MGAT4C: variants seen among roughly 807,000 people sequenced by gnomAD.
MGAT4C encodes the protein MGAT4 family member C, also known as alpha-1,3-mannosyl-glycoprotein 4-beta-N-acetylglucosaminyltransferase C.
MGAT4C carries 19 observed loss-of-function variants against 40.1 expected under a neutral mutation model. The observed-to-expected ratio is 0.47, with a 90% CI of 0.33 to 0.70. The LOEUF (loss-of-function observed/expected upper bound fraction) is 0.70, where lower values mean the gene tolerates loss of function less well. Ranked by LOEUF, MGAT4C falls within the 30% of genes least tolerant of loss-of-function variation. The probability of loss-of-function intolerance (pLI) is 0.02; values close to 1 mark genes in which losing one functional copy is unlikely to be tolerated. For synonymous variants in MGAT4C, 181 were observed against 187.1 expected (o/e 0.97, Z 0.27); for missense variants, 491 against 563.2 (o/e 0.87, Z 1.30).
At chr12:86,494,794 G>A (rs1444041408) in intron 2 of MGAT4C, among the ~76,000 whole-genome samples, 1 of 151,746 alleles carries the variant, frequency 6.6e-6, no homozygotes, top group East Asian at 1.9e-4. Context: ...ATAAAAATAG[G>A]CAACTAGTTC....
chr12:86,474,694 A>G (rs1380604412), intron 2 of MGAT4C, among the ~76,000 whole-genome samples: 1 of 151,344 alleles, frequency 6.6e-6, no homozygotes, highest in African/African-American at 2.4e-5. Flanking sequence ...TTTTTTTTTT[A>G]TAAGAAAGCC....
chr12:86,586,015 A>C (rs1961019746), intron 2 of MGAT4C, among the ~76,000 whole-genome samples: 1 of 150,552 alleles, frequency 6.6e-6, no homozygotes, highest in African/African-American at 2.4e-5. Flanking sequence ...TTAGTTACAT[A>C]GGTATACATG....
chr12:86,768,560 G>A lies in MGAT4C; in HGVS notation c.-261-41319C>T, dbSNP rs1053171179. On this transcript the variant is annotated intron_variant, in intron 1 of 7. Coordinates refer to the MGAT4C transcript ENST00000548651. ...ACCAAAAAAGAGCCTGCATCGCCAA[G>A]TCAATCCTAAGCCAAAAGAACAAAG... 3.3e-5 allele frequency among the ~76,000 whole-genome samples: 5 copies of A among 151,596 alleles called. No individual in the cohort carries two copies. The South Asian group carries it at 8.3e-4, about 25-fold the overall frequency.
chr12:86,815,600 A>G (rs1952585955), intron 1 of MGAT4C, among the ~76,000 whole-genome samples: 1 of 151,552 alleles, frequency 6.6e-6, no homozygotes, highest in South Asian at 2.1e-4. Flanking sequence ...AACCAACTCA[A>G]TCAACAAGTG....
chr12:86,666,789 C>T (rs1964118290), intron 2 of MGAT4C, among the ~76,000 whole-genome samples: 1 of 152,136 alleles, frequency 6.6e-6, no homozygotes, highest in African/African-American at 2.4e-5. Flanking sequence ...AATCAGATGT[C>T]CTTAAACAGT....
At chr12:86,264,377 C>G (rs1443774957) in intron 4 of MGAT4C, among the ~76,000 whole-genome samples, 1 of 151,916 alleles carries the variant, frequency 6.6e-6, no homozygotes, top group Non-Finnish European at 1.5e-5. Flanking sequence ...GGATAGGAGC[C>G]GTGTTTGTTT....
chr12:86,240,175 CAT>C (rs1409258999), intron 1 of MGAT4C, among the ~76,000 whole-genome samples: 17 of 150,874 alleles, frequency 1.1e-4, no homozygotes, highest in Admixed American at 5.9e-4. Context: ...CACACACACA[CAT>C]ACACACACAT....
At chr12:86,079,722 G>A (rs926488816) in intron 1 of MGAT4C, among the ~76,000 whole-genome samples, 15 of 151,530 alleles carry the variant, frequency 9.9e-5, no homozygotes, top group African/African-American at 3.6e-4. Flanking sequence ...TAATGTATAT[G>A]GGTAAATGGA....
At position 86,088,609 on chromosome 12, in the gene MGAT4C, C is replaced by T. The variant is rs139759915; in HGVS notation, c.-56-38886G>A. On this transcript the variant is annotated intron_variant, in intron 1 of 4. Transcript: ENST00000611864. ...TTCAAGAGAAGACATATACACAGAG[C>T]CAACAAGCATATGGGAAAATGCTCA... Among the ~76,000 whole-genome samples, 1,132 of 152,022 alleles carry T rather than the reference C, an allele frequency of 7.4e-3. 9 individuals carry two copies. Among genetic ancestry groups the T allele is most frequent in the Non-Finnish European group, 0.011 (770 of 67,912 alleles).
chr12:85,962,290 T>C lies in MGAT4C; in HGVS notation c.*16999A>G, dbSNP rs1407731004. On this transcript the variant is annotated 3_prime_UTR_variant, in exon 5 of 5. Coordinates refer to ENST00000611864, the MANE Select transcript of MGAT4C (RefSeq NM_001351288.2). ...CCAACATATCTTTCGTTTTGAGATCTGCAGAACAAAGTCAATGTCTGAATT... is the reference window on the plus strand; with the variant it reads ...CCAACATATCTTTCGTTTTGAGATCCGCAGAACAAAGTCAATGTCTGAATT... The C allele has an allele frequency of 2.0e-5, 3 of 151,496 alleles. No individual in the cohort carries two copies. Among genetic ancestry groups the C allele is most frequent in the Non-Finnish European group, 4.4e-5 (3 of 67,648 alleles). 9.4% of individuals were successfully genotyped at this position (151,496 alleles called of 1,614,324 possible).
chr12:86,530,860 T>C (rs1240078623), intron 2 of MGAT4C, among the ~76,000 whole-genome samples: 5 of 152,126 alleles, frequency 3.3e-5, no homozygotes, highest in Admixed American at 2.6e-4. Flanking sequence ...AATAAGACCA[T>C]GTCTATTATG....
chr12:86,595,201 G>GCAAGGTTTGGTT (rs1302601044), intron 2 of MGAT4C, among the ~76,000 whole-genome samples: 1 of 152,092 alleles, frequency 6.6e-6, no homozygotes, highest in East Asian at 1.9e-4. Flanking sequence ...TCTTTAAGTA[G>GCAAGGTTTGGTT]CAAGGTTTGG....
chr12:86,416,187 C>G (rs538746286), intron 3 of MGAT4C, among the ~76,000 whole-genome samples: 1 of 151,996 alleles, frequency 6.6e-6, no homozygotes, highest in East Asian at 1.9e-4. Context: ...AGACAATATG[C>G]CAAACCTGTT....
intron 4 of MGAT4C, among the ~76,000 whole-genome samples, chr12:86,322,031 T>G (rs2136163153): frequency 6.6e-6 from 1 of 152,078 alleles, no homozygotes; most frequent in Non-Finnish European, 1.5e-5. Context: ...CACCATGGAA[T>G]ACTATGCAGC....
chr12:86,673,601 C>A (rs902690547), intron 2 of MGAT4C, among the ~76,000 whole-genome samples: 1 of 152,096 alleles, frequency 6.6e-6, no homozygotes, highest in Non-Finnish European at 1.5e-5. Context: ...AATTTTGCTA[C>A]TCATGTTAGG....
At chr12:86,156,765 A>G (rs1884988190) in intron 1 of MGAT4C, among the ~76,000 whole-genome samples, 1 of 152,218 alleles carries the variant, frequency 6.6e-6, no homozygotes, top group South Asian at 2.1e-4. Context: ...TCTACTGAGT[A>G]AATTATGGCT....
intron 2 of MGAT4C, among the ~76,000 whole-genome samples, chr12:86,710,282 G>A (rs1286476496): frequency 6.6e-6 from 1 of 152,122 alleles, no homozygotes; most frequent in Admixed American, 6.6e-5. Flanking sequence ...TCTGAGGTGG[G>A]AAGTATGATA....
intron 1 of MGAT4C, among the ~76,000 whole-genome samples, chr12:86,108,213 C>A (rs1239218653): frequency 1.3e-5 from 2 of 152,058 alleles, no homozygotes; most frequent in African/African-American, 2.4e-5. Context: ...CCCCCTAATA[C>A]CCTCTTCCTT....
At chr12:85,989,580 G>T (rs1042678879) in intron 2 of MGAT4C, 28 bp from the exon 3 acceptor site, 3 of 1,550,532 alleles carry the variant, frequency 1.9e-6, no homozygotes, top group African/African-American at 1.4e-5. Context: ...AGAATTACTA[G>T]CAGTTGGTTT....
Sources: gnomAD v4.1 joint callset for allele counts (sites outside exome capture counted in the v4.1 genomes callset) on GRCh38, gnomAD v4.1.1 for gene constraint, MANE v1.5 for transcripts, NCBI Gene and HGNC (gene_info 2026-07-23, HGNC 2026-07-21) for gene names.